ROBO2: variants seen among roughly 807,000 people sequenced by gnomAD.
The protein encoded by ROBO2 is roundabout homolog 2.
ROBO2 carries 53 observed loss-of-function variants against 160.8 expected under a neutral mutation model. The observed-to-expected ratio is 0.33, with a 90% CI of 0.26 to 0.41. The LOEUF (loss-of-function observed/expected upper bound fraction) is 0.41, where lower values mean the gene tolerates loss of function less well. Ranked by LOEUF, ROBO2 falls within the 10% of genes least tolerant of loss-of-function variation. The pLI is 1.00. For missense variants in ROBO2, 1,577 were observed against 1,722.4 expected, an observed-to-expected ratio of 0.92 and a Z score of 1.49; for synonymous variants, 664 against 611.7, an observed-to-expected ratio of 1.09 and a Z score of -1.26.
chr3:77,387,061 G>A (rs1016123032), intron 2 of ROBO2, among the ~76,000 whole-genome samples: 1 of 152,048 alleles, frequency 6.6e-6, no homozygotes, highest in Non-Finnish European at 1.5e-5. Flanking sequence ...AATTTGGGAT[G>A]TTAGAGTGAA....
chr3:76,863,635 A>T (rs1207959531), intron 2 of ROBO2, among the ~76,000 whole-genome samples: 1 of 152,008 alleles, frequency 6.6e-6, no homozygotes, highest in Non-Finnish European at 1.5e-5. Context: ...TGTGAATTCC[A>T]TGGGAATTTG....
chr3:75,995,515 T>C (rs867005343), intron 2 of ROBO2, among the ~76,000 whole-genome samples: 1 of 152,062 alleles, frequency 6.6e-6, no homozygotes, highest in Non-Finnish European at 1.5e-5. Flanking sequence ...TAGGCAGAAG[T>C]CTGCTTGCAG....
chr3:77,277,190 T>TTCTTTCTTTC (rs2059921714), intron 2 of ROBO2, among the ~76,000 whole-genome samples: 2 of 131,620 alleles, frequency 1.5e-5, no homozygotes, highest in Non-Finnish European at 3.3e-5. Flanking sequence ...CTTTCTTTCT[T>TTCTTTCTTTC]TCTTTCTTTC....
At chr3:77,031,425 A>C (rs976092860) in intron 2 of ROBO2, among the ~76,000 whole-genome samples, 4 of 148,402 alleles carry the variant, frequency 2.7e-5, no homozygotes, top group Non-Finnish European at 5.9e-5. Context: ...GTGCATAAGC[A>C]TATACATATG....
chr3:76,073,267 CTTTTTTTTTTTTTTTTT>C (rs869307615), intron 2 of ROBO2, among the ~76,000 whole-genome samples: 2,986 of 57,354 alleles, frequency 0.052, 423 homozygotes, highest in African/African-American at 0.12. Flanking sequence ...AATGAGTATT[CTTTTTTTTTTTTTTTTT>C]TTTTTTTTTT....
intron 2 of ROBO2, among the ~76,000 whole-genome samples, chr3:77,320,427 C>T (rs892796740): frequency 3.3e-5 from 5 of 152,166 alleles, no homozygotes; most frequent in East Asian, 3.9e-4. Context: ...TGCACTTTGG[C>T]GCTGCTTCTG....
intron 2 of ROBO2, among the ~76,000 whole-genome samples, chr3:76,028,187 A>G (rs1488195256): frequency 2.0e-5 from 3 of 151,954 alleles, no homozygotes; most frequent in Non-Finnish European, 4.4e-5. Flanking sequence ...ACAATAAAAC[A>G]CGTGAAAGAA....
intron 1 of ROBO2, among the ~76,000 whole-genome samples, chr3:77,054,264 C>T (rs2065500592): frequency 6.6e-6 from 1 of 152,082 alleles, no homozygotes; most frequent in Admixed American, 6.6e-5. Context: ...CAGCAAAGCC[C>T]ATGTTTGTGT....
At chr3:76,166,356 G>A (rs990257708) in intron 2 of ROBO2, among the ~76,000 whole-genome samples, 3 of 152,114 alleles carry the variant, frequency 2.0e-5, no homozygotes, top group African/African-American at 2.4e-5. Context: ...TTGAATCGTA[G>A]GCTTTAATAT....
At chr3:77,205,004 G>A (rs1388529068) in intron 2 of ROBO2, among the ~76,000 whole-genome samples, 1 of 152,182 alleles carries the variant, frequency 6.6e-6, no homozygotes, top group African/African-American at 2.4e-5. Context: ...TGCAGGAGCC[G>A]GGCGGGGCAA....
chr3:77,141,871 A>C (rs2076733376), intron 2 of ROBO2, among the ~76,000 whole-genome samples: 1 of 152,216 alleles, frequency 6.6e-6, no homozygotes, highest in Admixed American at 6.5e-5. Flanking sequence ...AATTGCACTA[A>C]TACTGCCATA....
At chr3:77,335,354 C>G (rs756296362) in intron 2 of ROBO2, among the ~76,000 whole-genome samples, 3 of 152,110 alleles carry the variant, frequency 2.0e-5, no homozygotes, top group Non-Finnish European at 4.4e-5. Context: ...TTGCAGTGAA[C>G]CAATATCACA....
chr3:76,946,868 G>C (rs975613315), intron 2 of ROBO2, among the ~76,000 whole-genome samples: 2 of 152,208 alleles, frequency 1.3e-5, no homozygotes, highest in African/African-American at 2.4e-5. Context: ...TTCTCTCCAG[G>C]CTGTAAGCCG....
At chr3:77,374,235 T>G (rs2072302824) in intron 2 of ROBO2, among the ~76,000 whole-genome samples, 1 of 133,118 alleles carries the variant, frequency 7.5e-6, no homozygotes, top group Non-Finnish European at 1.6e-5. Context: ...AACTACAACC[T>G]GAATACAGTC....
chr3:76,813,412 T>C (rs2065373003), intron 2 of ROBO2, among the ~76,000 whole-genome samples: 1 of 152,112 alleles, frequency 6.6e-6, no homozygotes, highest in African/African-American at 2.4e-5. Flanking sequence ...CCCATCGTTT[T>C]TGTCAAAACT....
intron 2 of ROBO2, among the ~76,000 whole-genome samples, chr3:76,253,485 G>T (rs532789980): frequency 1.3e-5 from 2 of 151,322 alleles, no homozygotes; most frequent in Admixed American, 1.3e-4. Context: ...TGTTGCTCAG[G>T]CTGGTCTTGA....
intron 2 of ROBO2, among the ~76,000 whole-genome samples, chr3:76,324,749 A>G (rs2072867428): frequency 6.6e-6 from 1 of 152,210 alleles, no homozygotes; most frequent in South Asian, 2.1e-4. Flanking sequence ...TCTCTGGAAA[A>G]AAAAGCACTT....
chr3:76,752,830 T>G (rs1408806607), intron 2 of ROBO2, among the ~76,000 whole-genome samples: 1 of 151,734 alleles, frequency 6.6e-6, no homozygotes, highest in African/African-American at 2.4e-5. Context: ...AAAAAACTTC[T>G]AAGGCTTTAG....
intron 2 of ROBO2, among the ~76,000 whole-genome samples, chr3:76,685,743 G>T (rs1418814954): frequency 5.9e-5 from 9 of 152,280 alleles, no homozygotes; most frequent in African/African-American, 2.2e-4. Flanking sequence ...GTTGGAACTT[G>T]TAACTGGAGC....
Sources: allele counts gnomAD v4.1 joint callset (sites outside exome capture counted in the v4.1 genomes callset), GRCh38; gene constraint gnomAD v4.1.1; transcripts MANE v1.5; gene names NCBI Gene and HGNC (gene_info 2026-07-23, HGNC 2026-07-21).